The following FBRSL1 variants were observed in gnomAD, a reference collection of about 807,000 sequenced individuals.
FBRSL1 encodes fibrosin-1-like protein.
In FBRSL1, 51 loss-of-function variants were observed where a neutral mutation model predicts 89.6. That is an observed-to-expected ratio of 0.57 (90% CI 0.45 to 0.72). The LOEUF (loss-of-function observed/expected upper bound fraction) is 0.72, where lower values mean the gene tolerates loss of function less well. Ranked by LOEUF, FBRSL1 falls within the 30% of genes least tolerant of loss-of-function variation. The pLI, the probability that FBRSL1 is intolerant of heterozygous loss-of-function variation, is 0.00. For missense variants in FBRSL1, 1,618 were observed against 1,451.8 expected (o/e 1.11, Z -1.86); for synonymous variants, 779 against 681.1 (o/e 1.14, Z -2.24).
At chr12:132,520,379 C>T (rs576032620) in intron 2 of FBRSL1, among the ~76,000 whole-genome samples, 15 of 152,270 alleles carry the variant, frequency 9.9e-5, no homozygotes, top group East Asian at 5.8e-4. Flanking sequence ...GCAATTTTCC[C>T]GAGGCAGCCC....
intron 2 of FBRSL1, among the ~76,000 whole-genome samples, chr12:132,521,497 G>T (rs2035352090): frequency 6.6e-6 from 1 of 152,140 alleles, no homozygotes; most frequent in Non-Finnish European, 1.5e-5. Flanking sequence ...GGTTCTCCAG[G>T]GTCTGCATTA....
chr12:132,567,454 C>T lies in FBRSL1; in HGVS notation c.646-27C>T, dbSNP rs369814131. ...ACGAGGATGAGGACCACCCTGACTG[C>T]CCCTGACCCCCCTTCTCTCTCTCCA... is the stretch of plus-strand genomic sequence containing the variant. On this transcript the variant is annotated intron_variant, in intron 5 of 18. Coordinates refer to ENST00000680143, the MANE Select transcript of FBRSL1 (RefSeq NM_001367871.1). The T allele has an allele frequency of 4.3e-3, 6,711 of 1,550,588 alleles. 26 individuals carry two copies. Among genetic ancestry groups the T allele is most frequent in the Non-Finnish European group, 5.3e-3 (6,105 of 1,146,456 alleles).
intron 3 of FBRSL1, among the ~76,000 whole-genome samples, chr12:132,526,179 G>T (rs2035776506): frequency 6.6e-6 from 1 of 152,252 alleles, no homozygotes; most frequent in Non-Finnish European, 1.5e-5. Flanking sequence ...TGGACGCTGT[G>T]CCTGCACTGC....
At chr12:132,500,610 C>T (rs2032808682) in intron 1 of FBRSL1, among the ~76,000 whole-genome samples, 1 of 152,174 alleles carries the variant, frequency 6.6e-6, no homozygotes, top group Non-Finnish European at 1.5e-5. Flanking sequence ...CTGAATCCGA[C>T]CTCATCCAGC....
chr12:132,497,581 C>T (rs1260622120), intron 1 of FBRSL1, among the ~76,000 whole-genome samples: 1 of 152,166 alleles, frequency 6.6e-6, no homozygotes, highest in Non-Finnish European at 1.5e-5. Context: ...TCAGCTCCTG[C>T]TTTCAGGAGC....
rs1024941548 is a variant in FBRSL1, at chr12:132,546,863, T to C, written c.616-1140T>C. On this transcript the variant is annotated intron_variant, in intron 4 of 18. Coordinates refer to ENST00000680143, the MANE Select transcript of FBRSL1 (RefSeq NM_001367871.1). This position sits in a 1 kb window ranked among gnomAD's most constrained non-coding sequence, Gnocchi z 4.0. ...CTAAAGCGCATTTCACACCGTACTG[T>C]GAGCTCCGTCGCTGAACACTCGGCA... Among the ~76,000 whole-genome samples, 2 of 152,232 alleles carry C rather than the reference T, an allele frequency of 1.3e-5. No individual in the cohort carries two copies. Among genetic ancestry groups the C allele is most frequent in the East Asian group, 1.9e-4 (1 of 5,204 alleles).
At position 132,496,295 on chromosome 12, in the gene FBRSL1, G is replaced by T. The variant is rs140946031; in HGVS notation, c.291+5434G>T. 4.5e-3 allele frequency among the ~76,000 whole-genome samples: 690 copies of T among 152,284 alleles called. 2 individuals are homozygous for T. Among genetic ancestry groups the T allele is most frequent in the African/African-American group, 0.016 (656 of 41,542 alleles). ...TGTCGCCAGACGTCCGCCATATCCC[G>T]CCTTTGTGTGATTGCTTCTCTGGAG... On this transcript the variant is annotated intron_variant, in intron 1 of 18. Coordinates refer to ENST00000680143, the MANE Select transcript of FBRSL1 (RefSeq NM_001367871.1).
At chr12:132,496,857 C>T (rs982609729) in intron 1 of FBRSL1, among the ~76,000 whole-genome samples, 19 of 140,946 alleles carry the variant, frequency 1.3e-4, no homozygotes, top group African/African-American at 4.9e-4. Context: ...TCCTGTGTTG[C>T]GCGGGGCGCG....
In FBRSL1 at chr12:132,582,261, G is replaced by A. The variant is rs1188645482; in HGVS notation, c.2196G>A (p.Gln732=). Residue 732 remains glutamine, a synonymous_variant, in exon 18 of 19, where the codon CAG becomes CAA. Coordinates refer to ENST00000680143, the MANE Select transcript of FBRSL1 (RefSeq NM_001367871.1). ...DREPDNGKEE[Q]ERDLLEKTRL... is the part of the protein sequence containing the mutation. ...AGCCGGACAATGGCAAGGAGGAGCA[G>A]GAACGGTGAGTGGCCCTCTTGTTCC... 2 of 1,549,848 alleles carry A rather than the reference G, an allele frequency of 1.3e-6. No individual in the cohort carries two copies. The highest frequency in any genetic ancestry group is 2.4e-5 in the South Asian group (2 of 84,026).
chr12:132,533,174 C>T (rs1467793877), intron 4 of FBRSL1, among the ~76,000 whole-genome samples: 3 of 150,304 alleles, frequency 2.0e-5, no homozygotes, highest in African/African-American at 4.9e-5. Context: ...GCAGTCTCCT[C>T]CCGACCCAGC....
intron 5 of FBRSL1, among the ~76,000 whole-genome samples, chr12:132,549,831 T>C (rs1410714962): frequency 6.6e-6 from 1 of 151,332 alleles, no homozygotes; most frequent in African/African-American, 2.4e-5. Context: ...CCTGCAGAGA[T>C]GCGGCCCCTG....
intron 1 of FBRSL1, among the ~76,000 whole-genome samples, chr12:132,501,295 C>T (rs766018972): frequency 1.6e-4 from 24 of 152,348 alleles, no homozygotes; most frequent in Admixed American, 9.1e-4. Context: ...TGGGGCCGAG[C>T]GGCGGCTGCC....
At chr12:132,536,194 G>A (rs2036723506) in intron 4 of FBRSL1, among the ~76,000 whole-genome samples, 1 of 149,706 alleles carries the variant, frequency 6.7e-6, no homozygotes, top group Non-Finnish European at 1.5e-5. Flanking sequence ...GAGTGCACAT[G>A]TACATGATAG....
chr12:132,549,081 C>T (rs905198347), intron 5 of FBRSL1, among the ~76,000 whole-genome samples: 4 of 151,962 alleles, frequency 2.6e-5, no homozygotes, highest in South Asian at 4.1e-4. Flanking sequence ...TGGCGGTGGC[C>T]GGGGGAGGAG....
chr12:132,582,134 G>A lies in FBRSL1; in HGVS notation c.2069G>A (p.Trp690Ter). 6.5e-7 allele frequency: 1 copy of A among 1,549,978 alleles called. No homozygotes were observed. The highest frequency in any genetic ancestry group is 8.7e-7 in the Non-Finnish European group (1 of 1,146,782). ...VHGLPSPHEA[W>*]NRLHRAPPSF... is the part of the protein sequence containing the mutation. Reference sequence around the variant, plus strand: ...GGCCTGCCCAGCCCCCATGAGGCCTGGAACCGACTGCACCGGGCACCGCCC... The same window carrying A: ...GGCCTGCCCAGCCCCCATGAGGCCTAGAACCGACTGCACCGGGCACCGCCC... Residue 690 changes from tryptophan to a stop codon, truncating the protein, a stop_gained, in exon 18 of 19, where the codon TGG becomes TAG. Transcript: ENST00000680143. LOFTEE classifies it high-confidence loss of function.
intron 4 of FBRSL1, among the ~76,000 whole-genome samples, chr12:132,537,357 C>T (rs2036850431): frequency 6.6e-6 from 1 of 152,116 alleles, no homozygotes; most frequent in South Asian, 2.1e-4. Context: ...CCACCCACGT[C>T]CCATGGCGTC....
intron 4 of FBRSL1, among the ~76,000 whole-genome samples, chr12:132,541,582 G>A (rs1008304656): frequency 4.6e-5 from 7 of 152,226 alleles, no homozygotes; most frequent in Admixed American, 6.5e-5. Context: ...GGAGGGGTGC[G>A]GATTCACAGG....
chr12:132,563,985 C>T (rs1450919156), intron 5 of FBRSL1, among the ~76,000 whole-genome samples: 1 of 151,614 alleles, frequency 6.6e-6, no homozygotes, highest in Admixed American at 6.6e-5. Context: ...CCCTGAGCTC[C>T]TGTGCACCCC....
chr12:132,497,237 G>T (rs2032189372), intron 1 of FBRSL1, among the ~76,000 whole-genome samples: 1 of 152,204 alleles, frequency 6.6e-6, no homozygotes, highest in Non-Finnish European at 1.5e-5. Context: ...TGACCAGTTA[G>T]AGACCCCAAG....
Sources: allele counts gnomAD v4.1 joint callset (sites outside exome capture counted in the v4.1 genomes callset), GRCh38; gene constraint gnomAD v4.1.1; non-coding constraint Gnocchi (gnomAD v3.1); transcripts MANE v1.5; gene names NCBI Gene and HGNC (gene_info 2026-07-23, HGNC 2026-07-21).